Variants in BTD observed in about 807,000 individuals in gnomAD.
BTD encodes biotinidase.
Under a neutral mutation model 17.7 loss-of-function variants are expected in BTD, and 13 were observed. That is an observed-to-expected ratio of 0.74 (90% CI 0.48 to 1.17). The LOEUF (loss-of-function observed/expected upper bound fraction) is 1.17. Ranked by LOEUF, BTD falls within the 50% of genes most tolerant of loss-of-function variation. BTD has a pLI of 0.00. For missense variants in BTD, 674 were observed against 650.4 expected (o/e 1.04, Z -0.39); for synonymous variants, 240 against 245.2 (o/e 0.98, Z 0.20).
chr3:15,645,819 C>A lies in BTD; in HGVS notation c.*331C>A. ...TGTCAGTTTATATTTTACACATCCA[C>A]AAAGCAGTGGCTTGGGGTTTTTTTT... On this transcript the variant is annotated 3_prime_UTR_variant, in exon 4 of 4. Transcript: ENST00000643237. The A allele has an allele frequency of 4.4e-6, 1 of 225,010 alleles. No individual in the cohort carries two copies. The highest frequency in any genetic ancestry group is 8.7e-6 in the Non-Finnish European group (1 of 115,076). The allele number at this position is 225,010 out of a possible 1,614,324, so 13.9% of individuals were successfully genotyped here. A position where few individuals can be genotyped will look rare whatever the true frequency, so the allele number is the denominator to read the frequency against.
intron 2 of BTD, among the ~76,000 whole-genome samples, chr3:15,637,618 A>G (rs1051449461): frequency 1.3e-5 from 2 of 152,136 alleles, no homozygotes; most frequent in African/African-American, 4.8e-5. Context: ...TGCTGAAGTC[A>G]GTGTAAAAAA....
chr3:15,678,317 C>A, intron 3 of BTD: 1 of 1,611,316 alleles, frequency 6.2e-7, no homozygotes, highest in South Asian at 1.1e-5. Flanking sequence ...TGTAAACACT[C>A]TACATGGTCT....
downstream of BTD, among the ~76,000 whole-genome samples, chr3:15,658,163 C>T (rs538564872): frequency 1.5e-5 from 2 of 130,836 alleles, no homozygotes; most frequent in South Asian, 5.2e-4. Flanking sequence ...AGTGAGACTC[C>T]ATCTAAAAAA....
chr3:15,705,980 G>A (rs1052275771), intron 3 of BTD, among the ~76,000 whole-genome samples: 2 of 151,658 alleles, frequency 1.3e-5, no homozygotes, highest in African/African-American at 4.9e-5. Flanking sequence ...CACCCTGGGC[G>A]ACAAAGCAAG....
chr3:15,680,437 T>A (rs1418563358), intron 3 of BTD, among the ~76,000 whole-genome samples: 1 of 151,920 alleles, frequency 6.6e-6, no homozygotes, highest in Non-Finnish European at 1.5e-5. Context: ...AAACTCCTGA[T>A]CTCAGGTGAT....
At chr3:15,642,661 A>G (rs933569845) in intron 3 of BTD, among the ~76,000 whole-genome samples, 1 of 151,668 alleles carries the variant, frequency 6.6e-6, no homozygotes, top group Admixed American at 6.6e-5. Context: ...ATGGGGTTTC[A>G]CCATGTTAGC....
At chr3:15,661,292 A>AAG (rs1559289474) in intron 3 of BTD, among the ~76,000 whole-genome samples, 2 of 118,708 alleles carry the variant, frequency 1.7e-5, no homozygotes, top group African/African-American at 3.2e-5. Context: ...AAAAAAAAAA[A>AAG]AGAAAAAGAA....
In BTD at chr3:15,696,362, C is replaced by A. The variant is rs2069552027; in HGVS notation, c.400-13698C>A. On this transcript the variant is annotated intron_variant, in intron 3 of 3. Transcript: ENST00000672141. ...TCTTATACTTGAGTAATATAAAAAT[C>A]ATAAATGTATTACACTATAAAAATG... 4 of 618,374 alleles carry A rather than the reference C, an allele frequency of 6.5e-6. No homozygotes were observed. The East Asian group carries it at 8.6e-5, about 13-fold the overall frequency. The allele number at this position is 618,374 out of a possible 1,614,324, so 38.3% of individuals were successfully genotyped here. A position where few individuals can be genotyped will look rare whatever the true frequency, so the allele number is the denominator to read the frequency against.
downstream of BTD, among the ~76,000 whole-genome samples, chr3:15,655,026 C>T (rs958152865): frequency 6.6e-6 from 1 of 152,220 alleles, no homozygotes; most frequent in Non-Finnish European, 1.5e-5. Flanking sequence ...AGCCACCGCG[C>T]CCGGCCTGCA....
intron 3 of BTD, chr3:15,707,888 A>G: frequency 1.3e-6 from 2 of 1,582,168 alleles, no homozygotes; most frequent in South Asian, 1.1e-5. Flanking sequence ...GTTTATAGAA[A>G]TATTGATCCT....
At chr3:15,696,273 A>G in intron 3 of BTD, 1 of 1,370,938 alleles carries the variant, frequency 7.3e-7, no homozygotes. Context: ...AACATACTGA[A>G]AATCCTAAAT....
At chr3:15,611,131 A>G (rs547976837) in intron 1 of BTD, among the ~76,000 whole-genome samples, 2 of 152,350 alleles carry the variant, frequency 1.3e-5, no homozygotes, top group South Asian at 4.1e-4. Context: ...GTGATAATGC[A>G]GTTTACATTG....
downstream of BTD, among the ~76,000 whole-genome samples, chr3:15,655,877 A>G (rs1209774094): frequency 6.6e-6 from 1 of 152,178 alleles, no homozygotes; most frequent in Non-Finnish European, 1.5e-5. Context: ...ATCTCGGCTC[A>G]CTGCAACCTC....
At chr3:15,669,165 T>G (rs1465384693) in intron 3 of BTD, 1 of 152,228 alleles carries the variant, frequency 6.6e-6, no homozygotes, top group Admixed American at 6.5e-5. Flanking sequence ...CAGAAATGCC[T>G]TTCAAGAGAC....
At chr3:15,714,749 TA>T, downstream of BTD, 2 of 812,928 alleles carry the variant, frequency 2.5e-6, no homozygotes, top group Non-Finnish European at 1.8e-6. Context: ...TCTTTATTTT[TA>T]TAACTATTTT....
At chr3:15,638,468 C>G (rs1438530760) in intron 2 of BTD, among the ~76,000 whole-genome samples, 2 of 152,196 alleles carry the variant, frequency 1.3e-5, no homozygotes, top group East Asian at 1.9e-4. Context: ...ACTTTCTTAT[C>G]TTAGCCACAA....
chr3:15,711,339 G>T, exon 4 of BTD: 1 of 1,337,922 alleles, frequency 7.5e-7, no homozygotes, highest in Non-Finnish European at 1.1e-6. Flanking sequence ...ATTGTGTCAT[G>T]AAACATCAAG....
intron 1 of BTD, among the ~76,000 whole-genome samples, chr3:15,632,026 T>C (rs894904543): frequency 2.0e-5 from 3 of 152,092 alleles, no homozygotes; most frequent in Non-Finnish European, 4.4e-5. Context: ...CTGCTGTCCT[T>C]GCTGTTTCTT....
intron 1 of BTD, among the ~76,000 whole-genome samples, chr3:15,605,936 G>T (rs77879656): frequency 6.6e-6 from 1 of 151,408 alleles, no homozygotes; most frequent in Non-Finnish European, 1.5e-5. Context: ...CCAGCTATTC[G>T]GGAGACTGAG....
Sources: gnomAD v4.1 joint callset for allele counts (sites outside exome capture counted in the v4.1 genomes callset) on GRCh38, gnomAD v4.1.1 for gene constraint, MANE v1.5 for transcripts, NCBI Gene and HGNC (gene_info 2026-07-23, HGNC 2026-07-21) for gene names.